The following ITK variants were observed in gnomAD, a reference collection of about 807,000 sequenced individuals.
ITK encodes IL2 inducible T cell kinase.
A neutral mutation model predicts 87.6 loss-of-function variants in ITK; 45 were observed. The observed-to-expected ratio is 0.51, with a 90% confidence interval of 0.40 to 0.66. The LOEUF is 0.66. ITK is among the 30% of genes least tolerant of loss of function. The pLI, the probability that ITK is intolerant of heterozygous loss-of-function variation, is 0.00. For synonymous variants in ITK, 303 were observed against 273.6 expected (o/e 1.11, Z -1.06); for missense variants, 605 against 766.3 (o/e 0.79, Z 2.48).
chr5:157,231,491 A>G (rs537508798), intron 7 of ITK, among the ~76,000 whole-genome samples: 25 of 152,348 alleles, frequency 1.6e-4, no homozygotes, highest in African/African-American at 6.0e-4. Flanking sequence ...TATAATGTTC[A>G]AAACCTCTAA....
chr5:157,193,853 A>G (rs1013264537), intron 1 of ITK, among the ~76,000 whole-genome samples: 2 of 152,114 alleles, frequency 1.3e-5, no homozygotes, highest in African/African-American at 4.8e-5. Context: ...GAAAGACAGC[A>G]GAAACATCAT....
chr5:157,228,163 T>C (rs1051265343), intron 6 of ITK, 133 bp from the exon 7 acceptor site: 2 of 693,304 alleles, frequency 2.9e-6, no homozygotes, highest in African/African-American at 1.8e-5. Flanking sequence ...TTCTAAACTT[T>C]AAAATGTCTT....
chr5:157,254,754 T>A lies in ITK; in HGVS notation c.*2076T>A. On this transcript the variant is annotated 3_prime_UTR_variant, in exon 17 of 17. Coordinates refer to ENST00000422843, the MANE Select transcript of ITK (RefSeq NM_005546.4). ...GAACATTCAGTCTAGAAAGAAAACA[T>A]TGGAATTGACTGATCTCTGTGGTTT... 4.6e-6 allele frequency: 1 copy of A among 218,234 alleles called. No homozygotes were observed. The highest frequency in any genetic ancestry group is 9.2e-6 in the Non-Finnish European group (1 of 108,640). The allele number at this position is 218,234 out of a possible 1,614,324, so 13.5% of individuals were successfully genotyped here.
At chr5:157,210,918 C>T (rs914064762) in intron 2 of ITK, among the ~76,000 whole-genome samples, 3 of 152,038 alleles carry the variant, frequency 2.0e-5, no homozygotes, top group Non-Finnish European at 4.4e-5. Flanking sequence ...GTTTTCAAAA[C>T]TCTCATTGCA....
intron 16 of ITK, among the ~76,000 whole-genome samples, chr5:157,249,375 T>G (rs1755094745): frequency 6.6e-6 from 1 of 152,248 alleles, no homozygotes; most frequent in Non-Finnish European, 1.5e-5. Flanking sequence ...GGGAACAAAG[T>G]TCACTTGCAC....
At chr5:157,200,800 A>G (rs1280697399) in intron 1 of ITK, among the ~76,000 whole-genome samples, 1 of 152,192 alleles carries the variant, frequency 6.6e-6, no homozygotes, top group Non-Finnish European at 1.5e-5. Context: ...GTGAGTTGGT[A>G]GGAGAACTCC....
rs778347135 is a variant in ITK, at chr5:157,240,207, A to T, written c.985+12A>T. 1 of 1,614,048 alleles carries T rather than the reference A, an allele frequency of 6.2e-7. No homozygotes were observed. The highest frequency in any genetic ancestry group is 1.7e-4 in the Middle Eastern group (1 of 6,060). On this transcript the variant is annotated intron_variant, in intron 10 of 16. Transcript: ENST00000422843. Reference sequence around the variant, plus strand: ...ACATAATGGAGGAGGTAAGCTCTAGAGCAGGGGTGGACCCGGGCCGCCCAG... The same window carrying T: ...ACATAATGGAGGAGGTAAGCTCTAGTGCAGGGGTGGACCCGGGCCGCCCAG...
intron 8 of ITK, among the ~76,000 whole-genome samples, chr5:157,237,610 A>G (rs1319949371): frequency 1.3e-5 from 2 of 152,212 alleles, no homozygotes; most frequent in Non-Finnish European, 2.9e-5. Flanking sequence ...AGGGAAATGG[A>G]GAAGCAGCTT....
intron 1 of ITK, among the ~76,000 whole-genome samples, chr5:157,197,199 CAAG>C (rs1753868880): frequency 2.0e-5 from 3 of 152,270 alleles, no homozygotes; most frequent in Admixed American, 1.3e-4. Context: ...GGCTATCCCT[CAAG>C]AAGAACATGA....
intron 1 of ITK, among the ~76,000 whole-genome samples, chr5:157,196,585 C>T (rs1207043479): frequency 2.0e-5 from 3 of 152,146 alleles, no homozygotes; most frequent in Non-Finnish European, 2.9e-5. Context: ...TTTTTATCCA[C>T]CTGCCAATTT....
intron 1 of ITK, among the ~76,000 whole-genome samples, chr5:157,199,028 G>T (rs1422454811): frequency 6.6e-6 from 1 of 152,206 alleles, no homozygotes; most frequent in African/African-American, 2.4e-5. Flanking sequence ...GCCTCCCAAA[G>T]TGTTGGGATT....
chr5:157,201,991 C>T (rs1753985617), intron 1 of ITK, among the ~76,000 whole-genome samples: 1 of 152,184 alleles, frequency 6.6e-6, no homozygotes, highest in Non-Finnish European at 1.5e-5. Flanking sequence ...CCACCCTCCA[C>T]CCTCGAGTAG....
intron 1 of ITK, among the ~76,000 whole-genome samples, chr5:157,185,862 T>C (rs1018694908): frequency 3.3e-5 from 5 of 152,064 alleles, no homozygotes; most frequent in African/African-American, 1.2e-4. Context: ...AATAAAATAA[T>C]TAAACATTCC....
At chr5:157,198,638 GAGGTT>G (rs1753899027) in intron 1 of ITK, among the ~76,000 whole-genome samples, 1 of 152,174 alleles carries the variant, frequency 6.6e-6, no homozygotes, top group Non-Finnish European at 1.5e-5. Flanking sequence ...AGAATAGAGG[GAGGTT>G]AGGTCTAGCT....
intron 1 of ITK, among the ~76,000 whole-genome samples, chr5:157,199,988 T>C (rs1753933056): frequency 1.3e-5 from 2 of 151,916 alleles, no homozygotes; most frequent in African/African-American, 4.8e-5. Flanking sequence ...GTTTTGTACA[T>C]AGCAGAGCAG....
chr5:157,213,840 C>T (rs958960324), intron 3 of ITK: 16 of 372,588 alleles, frequency 4.3e-5, no homozygotes, highest in Non-Finnish European at 7.7e-5. Context: ...ACCTTCTCAA[C>T]CTTCTCATTA....
chr5:157,244,437 A>G lies in ITK; in HGVS notation c.1408A>G (p.Met470Val), dbSNP rs764904457. The change falls in exon 13 of 17, where the codon ATG (methionine) becomes GTG (valine). Residue 470 changes from methionine (M) to valine (V), a missense_variant. Met to Val is a conservative substitution (Grantham distance 21). Coordinates refer to ENST00000422843, the MANE Select transcript of ITK (RefSeq NM_005546.4). ...CATGTGTCTGGATGTGTGTGAGGGC[A>G]TGGCCTACCTGGAAGAGGCATGTGT... ...LGMCLDVCEGMAYLEEACVIH... is the reference protein window; with the variant it reads ...LGMCLDVCEGVAYLEEACVIH... The G allele has an allele frequency of 6.2e-7, 1 of 1,613,892 alleles. No individual in the cohort carries two copies. Among genetic ancestry groups the G allele is most frequent in the South Asian group, 1.1e-5 (1 of 91,078 alleles).
intron 3 of ITK, among the ~76,000 whole-genome samples, chr5:157,212,963 G>C (rs1438445348): frequency 1.3e-5 from 2 of 152,190 alleles, no homozygotes; most frequent in East Asian, 1.9e-4. Context: ...AGGAATATTA[G>C]AGATTAGATA....
chr5:157,223,856 T>A (rs1754478037), intron 6 of ITK, among the ~76,000 whole-genome samples: 1 of 152,212 alleles, frequency 6.6e-6, no homozygotes, highest in Non-Finnish European at 1.5e-5. Flanking sequence ...ATTATTAATT[T>A]TAAAGTATAA....
Sources: gnomAD v4.1 joint callset for allele counts (sites outside exome capture counted in the v4.1 genomes callset) on GRCh38, gnomAD v4.1.1 for gene constraint, MANE v1.5 for transcripts, NCBI Gene and HGNC (gene_info 2026-07-23, HGNC 2026-07-21) for gene names.